The following PLCB1 variants were observed in gnomAD, a reference collection of about 807,000 sequenced individuals.
PLCB1 encodes the protein 1-phosphatidylinositol 4,5-bisphosphate phosphodiesterase beta-1.
PLCB1 carries 46 observed loss-of-function variants against 161.8 expected under a neutral mutation model. The ratio of observed to expected loss-of-function variants is 0.28; its 90% CI spans 0.22 to 0.36. PLCB1 has a LOEUF of 0.36. PLCB1 is among the 10% of genes least tolerant of loss of function. The probability of loss-of-function intolerance (pLI) is 1.00; values close to 1 mark genes in which losing one functional copy is unlikely to be tolerated. For missense variants in PLCB1, 1,016 were observed against 1,472.5 expected (o/e 0.69, Z 5.07); for synonymous variants, 517 against 503.7 (o/e 1.03, Z -0.35).
At chr20:8,510,552 A>AT (rs896107164) in intron 3 of PLCB1, among the ~76,000 whole-genome samples, 26 of 148,534 alleles carry the variant, frequency 1.8e-4, no homozygotes, top group East Asian at 5.9e-4. Flanking sequence ...CGCCCAGCTA[A>AT]TTTTTTTTTT....
At chr20:8,154,030 A>G (rs903241853) in intron 2 of PLCB1, among the ~76,000 whole-genome samples, 1 of 152,222 alleles carries the variant, frequency 6.6e-6, no homozygotes, top group Non-Finnish European at 1.5e-5. Flanking sequence ...GAGTCAACTA[A>G]TAGTAATAGC....
chr20:8,559,282 A>T (rs2123017743), intron 3 of PLCB1, among the ~76,000 whole-genome samples: 1 of 152,076 alleles, frequency 6.6e-6, no homozygotes, highest in Admixed American at 6.6e-5. Context: ...TAAGTTTAAG[A>T]TGTTAGTTGT....
At chr20:8,807,151 A>G (rs1984577943) in intron 31 of PLCB1, among the ~76,000 whole-genome samples, 1 of 152,180 alleles carries the variant, frequency 6.6e-6, no homozygotes, top group Non-Finnish European at 1.5e-5. Context: ...GAAGGATGCG[A>G]TTAATTAAAG....
At chr20:8,574,481 CTAAG>C (rs557784966) in intron 3 of PLCB1, among the ~76,000 whole-genome samples, 34 of 152,270 alleles carry the variant, frequency 2.2e-4, no homozygotes, top group Non-Finnish European at 4.6e-4. Context: ...AACAGAAATA[CTAAG>C]TGTTTATTAT....
At chr20:8,319,591 G>A (rs565788674) in intron 2 of PLCB1, among the ~76,000 whole-genome samples, 1 of 152,142 alleles carries the variant, frequency 6.6e-6, no homozygotes, top group African/African-American at 2.4e-5. Flanking sequence ...ATGGTGTTGA[G>A]TACAAGAAGG....
chr20:8,157,697 T>C (rs1425023139), intron 2 of PLCB1, among the ~76,000 whole-genome samples: 1 of 152,204 alleles, frequency 6.6e-6, no homozygotes, highest in Non-Finnish European at 1.5e-5. Context: ...AAGTTCTTCT[T>C]AGAGGATGTG....
intron 2 of PLCB1, among the ~76,000 whole-genome samples, chr20:8,360,388 G>T (rs1373653095): frequency 1.3e-5 from 2 of 152,176 alleles, no homozygotes; most frequent in Non-Finnish European, 2.9e-5. Context: ...TCCTGCAGGA[G>T]CTTTAGGCAA....
At chr20:8,467,404 C>A (rs900447941) in intron 3 of PLCB1, among the ~76,000 whole-genome samples, 2 of 152,142 alleles carry the variant, frequency 1.3e-5, no homozygotes, top group Admixed American at 6.5e-5. Context: ...GATAGCCACA[C>A]CCAGTCATCA....
At chr20:8,253,069 A>G (rs1981237906) in intron 2 of PLCB1, among the ~76,000 whole-genome samples, 1 of 151,974 alleles carries the variant, frequency 6.6e-6, no homozygotes, top group Admixed American at 6.6e-5. Context: ...GTGTTCTCAT[A>G]GCCCTCAGAC....
At chr20:8,501,811 G>A (rs549060293) in intron 3 of PLCB1, among the ~76,000 whole-genome samples, 3 of 148,130 alleles carry the variant, frequency 2.0e-5, no homozygotes, top group South Asian at 2.1e-4. Flanking sequence ...AAGTGCAGGA[G>A]CAGTGTATAT....
intron 2 of PLCB1, among the ~76,000 whole-genome samples, chr20:8,359,423 A>C (rs992350454): frequency 2.0e-5 from 3 of 152,204 alleles, no homozygotes; most frequent in Non-Finnish European, 4.4e-5. Flanking sequence ...TTTACCAAGA[A>C]GAAAGTAAAA....
chr20:8,489,065 T>C (rs1235312355), intron 3 of PLCB1, among the ~76,000 whole-genome samples: 1 of 152,200 alleles, frequency 6.6e-6, no homozygotes, highest in African/African-American at 2.4e-5. Flanking sequence ...ATTTACAACA[T>C]GAAATAAATT....
At chr20:8,516,705 ATATATG>A (rs1426366180) in intron 3 of PLCB1, among the ~76,000 whole-genome samples, 1,153 of 84,036 alleles carry the variant, frequency 0.014, 25 homozygotes, top group Middle Eastern at 0.029. Context: ...ATATATATAT[ATATATG>A]TATTCCATTT....
intron 31 of PLCB1, among the ~76,000 whole-genome samples, chr20:8,813,656 C>T (rs1157558593): frequency 6.6e-6 from 1 of 151,850 alleles, no homozygotes; most frequent in Non-Finnish European, 1.5e-5. Flanking sequence ...ATAGTGAGAC[C>T]CTATCTCTAA....
chr20:8,399,067 A>T (rs915190919), intron 3 of PLCB1, among the ~76,000 whole-genome samples: 6 of 150,476 alleles, frequency 4.0e-5, no homozygotes, highest in African/African-American at 1.2e-4. Context: ...TTATAAAGAA[A>T]ATTCACCTAT....
chr20:8,709,371 A>G (rs1270720363), intron 12 of PLCB1, among the ~76,000 whole-genome samples: 1 of 152,228 alleles, frequency 6.6e-6, no homozygotes, highest in Non-Finnish European at 1.5e-5. Context: ...AGACACATTT[A>G]TATCTAATAG....
intron 2 of PLCB1, among the ~76,000 whole-genome samples, chr20:8,263,650 C>T (rs1251012222): frequency 1.3e-5 from 2 of 152,106 alleles, no homozygotes; most frequent in African/African-American, 4.8e-5. Flanking sequence ...CTCCTAGGTA[C>T]AAACTTGTAC....
intron 2 of PLCB1, among the ~76,000 whole-genome samples, chr20:8,299,108 AG>A (rs1176279340): frequency 6.6e-6 from 1 of 152,158 alleles, no homozygotes; most frequent in African/African-American, 2.4e-5. Flanking sequence ...CTAGAGGCAA[AG>A]CCAACACATT....
chr20:8,792,224 C>T (rs1983792167), intron 31 of PLCB1: 2 of 175,976 alleles, frequency 1.1e-5, no homozygotes, highest in South Asian at 1.3e-4. Context: ...TTCCTACATC[C>T]CCTCTAGCTG....
Sources: allele counts gnomAD v4.1 joint callset (sites outside exome capture counted in the v4.1 genomes callset), GRCh38; gene constraint gnomAD v4.1.1; transcripts MANE v1.5; gene names NCBI Gene and HGNC (gene_info 2026-07-23, HGNC 2026-07-21).